The following UBE2V2 variants were observed in gnomAD, a reference collection of about 807,000 sequenced individuals.
The protein encoded by UBE2V2 is ubiquitin conjugating enzyme E2 V2, also known as ubiquitin-conjugating enzyme E2 variant 2.
In UBE2V2, 9 loss-of-function variants were observed where a neutral mutation model predicts 17.2. The observed-to-expected ratio is 0.52, with a 90% CI of 0.32 to 0.91. The LOEUF is 0.91. Among genes scored for constraint, UBE2V2 ranks in the 40% least tolerant of loss-of-function variants. The pLI is 0.04. For missense variants in UBE2V2, 133 were observed against 182.6 expected (o/e 0.73, Z 1.56); for synonymous variants, 61 against 57.5 (o/e 1.06, Z -0.28).
At chr8:48,014,012 TAGAAG>T (rs2091250943) in intron 1 of UBE2V2, among the ~76,000 whole-genome samples, 1 of 152,212 alleles carries the variant, frequency 6.6e-6, no homozygotes, top group South Asian at 2.1e-4. Context: ...GGTGTGGTGA[TAGAAG>T]AGAATTACAT....
intron 1 of UBE2V2, among the ~76,000 whole-genome samples, chr8:48,026,899 G>A (rs1456254930): frequency 1.3e-5 from 2 of 152,124 alleles, no homozygotes; most frequent in Non-Finnish European, 2.9e-5. Context: ...CCCCCGCCCC[G>A]CTTGAGTAGA....
intron 1 of UBE2V2, 156 bp downstream of exon 1, chr8:48,008,626 G>GACCGGGTGGC: frequency 6.3e-6 from 7 of 1,104,312 alleles, no homozygotes; most frequent in Non-Finnish European, 8.1e-6. Context: ...GACCGGGTGG[G>GACCGGGTGGC]ACCGGCGCCG....
In UBE2V2 at chr8:48,035,634, TGTGTGTGTGTGTG is replaced by T. The variant is rs2091418373; in HGVS notation, c.17-7398_17-7386del. 1.2e-4 allele frequency among the ~76,000 whole-genome samples: 15 copies of T among 128,240 alleles called. No homozygotes were observed. In the South Asian group the frequency reaches 3.5e-3, roughly 30 times the overall value. 84.1% of individuals were successfully genotyped at this position (128,240 alleles called of 152,430 possible). On this transcript the variant is annotated intron_variant, in intron 1 of 3. Transcript: ENST00000523111. ...AAAAATTATTGTTTTTTTTTTTTTG[TGTGTGTGTGTGTG>T]TGTGTGTGTGTGTATATGTATGTAT...
intron 3 of UBE2V2, among the ~76,000 whole-genome samples, chr8:48,053,236 TCTATTG>T (rs1353005846): frequency 6.6e-6 from 1 of 152,146 alleles, no homozygotes; most frequent in Non-Finnish European, 1.5e-5. Flanking sequence ...TTATGTCCCT[TCTATTG>T]CTCTGTTAGA....
At chr8:48,035,852 C>T (rs536825487) in intron 1 of UBE2V2, among the ~76,000 whole-genome samples, 1 of 149,486 alleles carries the variant, frequency 6.7e-6, no homozygotes, top group South Asian at 2.1e-4. Flanking sequence ...GATCATGCCG[C>T]TGCACTGTAG....
At chr8:48,040,670 T>C (rs1328956221) in intron 1 of UBE2V2, among the ~76,000 whole-genome samples, 2 of 152,098 alleles carry the variant, frequency 1.3e-5, no homozygotes, top group African/African-American at 2.4e-5. Flanking sequence ...AGTCTCGCTC[T>C]GTCTCCCGGG....
In UBE2V2 at chr8:48,043,013, A is replaced by C; in HGVS notation, c.17-20A>C. 1.4e-6 allele frequency: 2 copies of C among 1,476,954 alleles called. No individual in the cohort carries two copies. The highest frequency in any genetic ancestry group is 1.8e-6 in the Non-Finnish European group (2 of 1,106,914). The allele number at this position is 1,476,954 out of a possible 1,614,324, so 91.5% of individuals were successfully genotyped here. ...ATAATTATGAGCTTTTTACATTTAC[A>C]CTGACGTTCTTTTGTATAGGAGTTA... is the stretch of plus-strand genomic sequence containing the variant. On this transcript the variant is annotated intron_variant, in intron 1 of 3. Transcript: ENST00000523111.
chr8:48,024,184 A>G (rs2091324610), intron 1 of UBE2V2, among the ~76,000 whole-genome samples: 1 of 152,204 alleles, frequency 6.6e-6, no homozygotes, highest in Admixed American at 6.5e-5. Flanking sequence ...AATATATGTT[A>G]TGGATTGCCT....
chr8:48,051,920 A>AGTCT (rs887956622), intron 3 of UBE2V2, among the ~76,000 whole-genome samples: 68 of 152,166 alleles, frequency 4.5e-4, no homozygotes, highest in African/African-American at 1.6e-3. Context: ...GGGACCTGAG[A>AGTCT]GTCTCTCCAG....
chr8:48,026,133 C>A (rs1019310547), intron 1 of UBE2V2, among the ~76,000 whole-genome samples: 1 of 151,626 alleles, frequency 6.6e-6, no homozygotes, highest in African/African-American at 2.4e-5. Flanking sequence ...TACCTACTTC[C>A]CCAAGTAGGC....
At chr8:48,037,097 T>TG (rs2091429979) in intron 1 of UBE2V2, among the ~76,000 whole-genome samples, 1 of 152,194 alleles carries the variant, frequency 6.6e-6, no homozygotes, top group South Asian at 2.1e-4. Context: ...GAGAATCACT[T>TG]GAACCCTGGA....
intron 1 of UBE2V2, among the ~76,000 whole-genome samples, chr8:48,032,442 T>C (rs1372680463): frequency 6.6e-6 from 1 of 152,174 alleles, no homozygotes; most frequent in Non-Finnish European, 1.5e-5. Flanking sequence ...ATGATGGATG[T>C]ATTTCAAATT....
At chr8:48,008,310 G>T, upstream of UBE2V2, 1 of 1,110,164 alleles carries the variant, frequency 9.0e-7, no homozygotes, top group South Asian at 2.3e-5. Context: ...CGACCCCTCG[G>T]CCCACGTGCG....
chr8:48,023,061 TTC>T (rs1253068029), intron 1 of UBE2V2, among the ~76,000 whole-genome samples: 2 of 152,114 alleles, frequency 1.3e-5, no homozygotes, highest in Non-Finnish European at 2.9e-5. Context: ...GCCTTGAGGA[TTC>T]TCTCTTTGTC....
intron 1 of UBE2V2, among the ~76,000 whole-genome samples, chr8:48,030,383 A>G (rs1176873934): frequency 2.0e-5 from 3 of 152,128 alleles, no homozygotes; most frequent in African/African-American, 7.2e-5. Flanking sequence ...GTTTCTTTCT[A>G]TGTCAGAGAT....
chr8:48,058,288 GAA>G (rs2091586179), intron 3 of UBE2V2, among the ~76,000 whole-genome samples: 1 of 152,048 alleles, frequency 6.6e-6, no homozygotes, highest in Non-Finnish European at 1.5e-5. Flanking sequence ...CCAACATAGT[GAA>G]ACCCTGTGTC....
In UBE2V2 at chr8:48,054,031, C is replaced by G. The variant is rs2091556603; in HGVS notation, c.291+4053C>G. ...CGTTGGCCAGGCTGGTGTTCAACTC[C>G]TGACCTCAGGTGATCTGCCTGCCTC... On this transcript the variant is annotated intron_variant, in intron 3 of 3. Transcript: ENST00000523111. 2.0e-5 allele frequency among the ~76,000 whole-genome samples: 3 copies of G among 152,130 alleles called. No individual in the cohort carries two copies. In the South Asian group the frequency reaches 6.2e-4, roughly 32 times the overall value.
At chr8:48,057,595 A>T (rs1341809606) in intron 3 of UBE2V2, among the ~76,000 whole-genome samples, 1 of 150,574 alleles carries the variant, frequency 6.6e-6, no homozygotes, top group Non-Finnish European at 1.5e-5. Flanking sequence ...GAGCCACTGC[A>T]CCCGACCTTT....
At chr8:48,043,374 G>T in intron 2 of UBE2V2, 193 bp downstream of exon 2, 1 of 413,046 alleles carries the variant, frequency 2.4e-6, no homozygotes, top group Non-Finnish European at 4.0e-6. Flanking sequence ...GGGGGAGGAA[G>T]GTTGATATGG....
Sources: gnomAD v4.1 joint callset for allele counts (sites outside exome capture counted in the v4.1 genomes callset) on GRCh38, gnomAD v4.1.1 for gene constraint, MANE v1.5 for transcripts, NCBI Gene and HGNC (gene_info 2026-07-23, HGNC 2026-07-21) for gene names.